The following ZFHX3 variants were observed in gnomAD, a reference collection of about 807,000 sequenced individuals.
ZFHX3 encodes the protein zinc finger homeobox 3.
Under a neutral mutation model 279.1 loss-of-function variants are expected in ZFHX3, and 42 were observed. That is an observed-to-expected ratio of 0.15 (90% CI 0.12 to 0.19). The LOEUF (loss-of-function observed/expected upper bound fraction) is 0.19, where lower values mean the gene tolerates loss of function less well. ZFHX3 is among the 10% of genes least tolerant of loss of function. The probability of loss-of-function intolerance (pLI) is 1.00; values close to 1 mark genes in which losing one functional copy is unlikely to be tolerated. For synonymous variants in ZFHX3, 2,293 were observed against 1,957.8 expected, an observed-to-expected ratio of 1.17 and a Z score of -4.52; for missense variants, 4,981 against 4,754.0, an observed-to-expected ratio of 1.05 and a Z score of -1.40.
At chr16:73,187,322 T>C (rs1967935752) in intron 5 of ZFHX3, among the ~76,000 whole-genome samples, 1 of 151,620 alleles carries the variant, frequency 6.6e-6, no homozygotes. Flanking sequence ...TTCTGATCTT[T>C]TCTCAGATAG....
chr16:73,436,457 T>C (rs145820506), intron 3 of ZFHX3, among the ~76,000 whole-genome samples: 4,661 of 152,160 alleles, frequency 0.031, 252 homozygotes, highest in African/African-American at 0.11. Flanking sequence ...GGTTTCCCCT[T>C]ATAAAACCAT....
At chr16:73,625,768 A>G (rs2052409303) in intron 2 of ZFHX3, among the ~76,000 whole-genome samples, 1 of 152,232 alleles carries the variant, frequency 6.6e-6, no homozygotes, top group African/African-American at 2.4e-5. Flanking sequence ...AAGCTCCCAA[A>G]GTGATGCTGA....
At chr16:72,974,235 T>G (rs1962241916) in intron 1 of ZFHX3, among the ~76,000 whole-genome samples, 1 of 152,250 alleles carries the variant, frequency 6.6e-6, no homozygotes, top group African/African-American at 2.4e-5. Flanking sequence ...GCTGCTTTTC[T>G]CTGGGCCTGT....
chr16:73,558,036 T>C (rs1596997478), intron 2 of ZFHX3, among the ~76,000 whole-genome samples: 1 of 152,188 alleles, frequency 6.6e-6, no homozygotes. Flanking sequence ...GAATGGGCCT[T>C]CCCTCCTTCG....
intron 2 of ZFHX3, among the ~76,000 whole-genome samples, chr16:73,618,590 G>C (rs2052328090): frequency 6.6e-6 from 1 of 152,146 alleles, no homozygotes; most frequent in African/African-American, 2.4e-5. Context: ...GAAGCGCTTT[G>C]TCAAGACTCA....
intron 3 of ZFHX3, among the ~76,000 whole-genome samples, chr16:73,367,665 A>G (rs1425727425): frequency 6.6e-6 from 1 of 152,200 alleles, no homozygotes; most frequent in Non-Finnish European, 1.5e-5. Context: ...TGTCCAGCCC[A>G]CCTTGGGCTT....
intron 3 of ZFHX3, among the ~76,000 whole-genome samples, chr16:72,904,023 G>T (rs2039105540): frequency 6.6e-6 from 1 of 152,168 alleles, no homozygotes; most frequent in Admixed American, 6.5e-5. Flanking sequence ...CACAGGCTGG[G>T]ACCAAGTCGA....
chr16:73,704,139 T>C (rs1474798633), intron 1 of ZFHX3, among the ~76,000 whole-genome samples: 2 of 152,204 alleles, frequency 1.3e-5, no homozygotes, highest in Non-Finnish European at 1.5e-5. Context: ...ACAGAAATTA[T>C]ACAATTTCAG....
chr16:73,017,223 A>G (rs1003253272), intron 1 of ZFHX3, among the ~76,000 whole-genome samples: 6 of 146,146 alleles, frequency 4.1e-5, no homozygotes, highest in Non-Finnish European at 7.5e-5. Context: ...ACACTGCAAG[A>G]CTCCCATCTC....
chr16:73,355,739 C>T (rs1180693301), intron 3 of ZFHX3, among the ~76,000 whole-genome samples: 1 of 152,202 alleles, frequency 6.6e-6, no homozygotes, highest in African/African-American at 2.4e-5. Flanking sequence ...TTGGGCAAGT[C>T]GCTTCACATC....
At chr16:72,868,982 G>A (rs2038088412) in intron 4 of ZFHX3, among the ~76,000 whole-genome samples, 1 of 152,250 alleles carries the variant, frequency 6.6e-6, no homozygotes, top group African/African-American at 2.4e-5. Flanking sequence ...TCAGAAGGCT[G>A]TATTTCCAAA....
intron 5 of ZFHX3, among the ~76,000 whole-genome samples, chr16:73,225,888 C>T (rs912379192): frequency 2.6e-5 from 4 of 152,178 alleles, no homozygotes; most frequent in African/African-American, 9.7e-5. Context: ...TTTGGAAGTC[C>T]TATTGACCGA....
intron 4 of ZFHX3, among the ~76,000 whole-genome samples, chr16:72,885,969 A>G (rs1056810582): frequency 2.0e-5 from 3 of 152,212 alleles, no homozygotes; most frequent in Non-Finnish European, 2.9e-5. Flanking sequence ...TAAAGAGGAC[A>G]GAGTTGGGAA....
At chr16:73,064,719 A>G (rs973111915) in intron 8 of ZFHX3, among the ~76,000 whole-genome samples, 1 of 152,154 alleles carries the variant, frequency 6.6e-6, no homozygotes, top group African/African-American at 2.4e-5. Context: ...TTTTGAATAC[A>G]TGGCGCATTG....
At chr16:72,861,095 C>G (rs2037879080) in intron 4 of ZFHX3, among the ~76,000 whole-genome samples, 1 of 152,176 alleles carries the variant, frequency 6.6e-6, no homozygotes. Context: ...CCTAACCCGC[C>G]ATCCACCTGG....
chr16:73,648,824 T>A (rs868730877), intron 2 of ZFHX3, among the ~76,000 whole-genome samples: 2 of 152,224 alleles, frequency 1.3e-5, no homozygotes, highest in Non-Finnish European at 2.9e-5. Context: ...ATATCTTAAT[T>A]TCTCTGCACC....
chr16:72,850,650 G>A (rs566278463), intron 4 of ZFHX3, among the ~76,000 whole-genome samples: 17 of 100 alleles, frequency 0.17, no homozygotes, highest in East Asian at 0.36. Flanking sequence ...CAAAGAGGCC[G>A]GGCTCGCCAG....
intron 6 of ZFHX3, among the ~76,000 whole-genome samples, chr16:73,142,781 T>C (rs539139776): frequency 9.2e-5 from 14 of 152,366 alleles, no homozygotes; most frequent in African/African-American, 3.4e-4. Flanking sequence ...GCATTTTATA[T>C]GCACTACCCT....
chr16:72,990,961 C>T (rs1963065244), intron 1 of ZFHX3, among the ~76,000 whole-genome samples: 1 of 148,842 alleles, frequency 6.7e-6, no homozygotes. Context: ...GCCTGGGTGA[C>T]AGAGTGAGAC....
Sources: gnomAD v4.1 joint callset for allele counts (sites outside exome capture counted in the v4.1 genomes callset) on GRCh38, gnomAD v4.1.1 for gene constraint, MANE v1.5 for transcripts, NCBI Gene and HGNC (gene_info 2026-07-23, HGNC 2026-07-21) for gene names.